ASGR2: variants seen among roughly 807,000 people sequenced by gnomAD.
The protein encoded by ASGR2 is C-type lectin domain family 4 member H2.
A neutral mutation model predicts 32.3 loss-of-function variants in ASGR2; 34 were observed. The ratio of observed to expected loss-of-function variants is 1.05; its 90% CI spans 0.80 to 1.40. ASGR2 has a LOEUF of 1.40. ASGR2 is among the 40% of genes most tolerant of loss of function. ASGR2 has a pLI of 0.00. For missense variants in ASGR2, 385 were observed against 386.4 expected (o/e 1.00, Z 0.03); for synonymous variants, 143 against 150.0 (o/e 0.95, Z 0.34).
intron 2 of ASGR2, among the ~76,000 whole-genome samples, chr17:7,112,058 C>T (rs561373736): frequency 0.035 from 31 of 884 alleles, no homozygotes; most frequent in South Asian, 0.14. Flanking sequence ...GGAGGGGAAG[C>T]GAGGGAAGGA....
In ASGR2 at chr17:7,107,103, C is replaced by G; in HGVS notation, c.545G>C (p.Ser182Thr). 6.2e-7 allele frequency: 1 copy of G among 1,614,180 alleles called. No homozygotes were observed. The highest frequency in any genetic ancestry group is 8.5e-7 in the Non-Finnish European group (1 of 1,180,038). Reference protein sequence around the residue: ...CPVNWVEHQGSCYWFSHSGKA... With the variant: ...CPVNWVEHQGTCYWFSHSGKA... ...CCCGGAGTGAGAGAACCAGTAGCAG[C>G]TGCCTTGGTGCTCCACCCAGTTGAC... The change falls in exon 7 of 9, where the codon AGC (serine) becomes ACC (threonine). Residue 182 changes from serine (S) to threonine (T), a missense_variant. Physicochemically the swap from Ser to Thr is moderately conservative, Grantham distance 58 (BLOSUM62 1). Coordinates refer to ENST00000691900, the MANE Select transcript of ASGR2 (RefSeq NM_001201352.2). The surrounding 1 kb of genome is among the most constrained non-coding windows in gnomAD (Gnocchi z 5.0).
rs1009920236 is a variant in ASGR2, at chr17:7,102,164, A to G, written c.681T>C (p.Asn227=). 16 of 1,614,044 alleles carry G rather than the reference A, an allele frequency of 9.9e-6. No homozygotes were observed. Among genetic ancestry groups the G allele is most frequent in the Non-Finnish European group, 1.4e-5 (16 of 1,180,024 alleles). The change falls in exon 8 of 9, where the codon AAT becomes AAC. Residue 227 remains asparagine, a synonymous_variant. Transcript: ENST00000691900. ...CACTGTCCGTGAGACCTATCCAGGT[A>G]TTGAAGGGGTTCGTGTGTTGTACAA... ...KFIVQHTNPF[N]TWIGLTDSDG...
chr17:7,108,458 T>A lies in ASGR2; in HGVS notation c.337+4A>T. ...AATGAGAACCCAGCCGTCCAGCCCCTCACCGTGGGTGCTGATTGCCTGGAC... is the reference window on the plus strand; with the variant it reads ...AATGAGAACCCAGCCGTCCAGCCCCACACCGTGGGTGCTGATTGCCTGGAC... On this transcript the variant is annotated splice_donor_region_variant and intron_variant, in intron 4 of 8. Transcript: ENST00000691900. This position sits in a 1 kb window ranked among gnomAD's most constrained non-coding sequence, Gnocchi z 4.9. 6.3e-7 allele frequency: 1 copy of A among 1,594,698 alleles called. No individual in the cohort carries two copies. Among genetic ancestry groups the A allele is most frequent in the Admixed American group, 1.8e-5 (1 of 56,718 alleles).
At position 7,113,394 on chromosome 17, in the gene ASGR2, AAC is replaced by A. The variant is rs972111855; in HGVS notation, c.124+721_124+722del. Among the ~76,000 whole-genome samples, 10 of 148,758 alleles carry A rather than the reference AAC, an allele frequency of 6.7e-5. No homozygotes were observed. Among genetic ancestry groups the A allele is most frequent in the East Asian group, 5.9e-4 (3 of 5,112 alleles). On this transcript the variant is annotated intron_variant, in intron 2 of 8. Coordinates refer to ENST00000691900, the MANE Select transcript of ASGR2 (RefSeq NM_001201352.2). This position sits in a 1 kb window ranked among gnomAD's most constrained non-coding sequence, Gnocchi z 5.1. ...TAACACACTCACAACATACACACAC[AAC>A]ACACACACTCGCACAACATACACAC...
rs1491141721 is a variant in ASGR2, at chr17:7,107,766, CGT to C, written c.409+68_409+69del. 0.016 allele frequency: 2,134 copies of C among 134,528 alleles called. 65 individuals carry two copies. In the South Asian group the frequency reaches 0.21, roughly 13 times the overall value. 8.3% of individuals were successfully genotyped at this position (134,528 alleles called of 1,614,324 possible). On this transcript the variant is annotated intron_variant, in intron 5 of 8. Transcript: ENST00000691900. This position sits in a 1 kb window ranked among gnomAD's most constrained non-coding sequence, Gnocchi z 5.0. ...ACGTGCACACTACACACACCGCACA[CGT>C]ACACACTACACACACCGCACACGTA...
intron 7 of ASGR2, 68 bp from the exon 8 acceptor site, chr17:7,102,264 G>T: frequency 7.4e-7 from 1 of 1,357,876 alleles, no homozygotes; most frequent in Non-Finnish European, 1.1e-6. Context: ...TGCAGGCATG[G>T]AACTGTGGCC....
intron 2 of ASGR2, among the ~76,000 whole-genome samples, chr17:7,111,936 G>A (rs952364294): frequency 6.8e-6 from 1 of 147,066 alleles, no homozygotes; most frequent in Non-Finnish European, 1.5e-5. Flanking sequence ...CCAGCTACCT[G>A]GGAGGCTGAA....
At position 7,108,393 on chromosome 17, in the gene ASGR2, T is replaced by C; in HGVS notation, c.337+69A>G. 6.7e-7 allele frequency: 1 copy of C among 1,483,302 alleles called. No homozygotes were observed. Among genetic ancestry groups the C allele is most frequent in the South Asian group, 1.3e-5 (1 of 77,810 alleles). 91.9% of individuals were successfully genotyped at this position (1,483,302 alleles called of 1,614,324 possible). On this transcript the variant is annotated intron_variant, in intron 4 of 8. Coordinates refer to ENST00000691900, the MANE Select transcript of ASGR2 (RefSeq NM_001201352.2). The surrounding 1 kb of genome is among the most constrained non-coding windows in gnomAD (Gnocchi z 4.9). Reference sequence around the variant, plus strand: ...CCCCACGGCACCCCACACAGCCCTGTTGCAGACTCGGCACTGAGCCCAGCA... The same window carrying C: ...CCCCACGGCACCCCACACAGCCCTGCTGCAGACTCGGCACTGAGCCCAGCA...
In ASGR2 at chr17:7,107,934, C is replaced by CCGCT; in HGVS notation, c.338-31_338-28dup. The CCGCT allele has an allele frequency of 6.2e-7, 1 of 1,613,410 alleles. No individual in the cohort carries two copies. The highest frequency in any genetic ancestry group is 1.1e-5 in the South Asian group (1 of 91,014). ...TGGAAGCGGAAAGCCAGCTGTTTCC[C>CCGCT]CGCTGAGCCTCCCTCCGTCCTCATG... On this transcript the variant is annotated intron_variant, in intron 4 of 8. Transcript: ENST00000691900. This position sits in a 1 kb window ranked among gnomAD's most constrained non-coding sequence, Gnocchi z 5.0.
At chr17:7,102,667 C>T (rs1913021447) in intron 7 of ASGR2, among the ~76,000 whole-genome samples, 1 of 152,192 alleles carries the variant, frequency 6.6e-6, no homozygotes, top group South Asian at 2.1e-4. Context: ...CTCTTACTGC[C>T]CCCCAGACCC....
At chr17:7,102,665 G>GC (rs1410181805) in intron 7 of ASGR2, among the ~76,000 whole-genome samples, 10 of 152,012 alleles carry the variant, frequency 6.6e-5, no homozygotes, top group African/African-American at 2.2e-4. Context: ...TGCTCTTACT[G>GC]CCCCCCAGAC....
At chr17:7,102,626 C>T (rs1913014921) in intron 7 of ASGR2, among the ~76,000 whole-genome samples, 1 of 152,266 alleles carries the variant, frequency 6.6e-6, no homozygotes, top group African/African-American at 2.4e-5. Context: ...CCCACAGCCT[C>T]GAACTCCTGG....
chr17:7,115,100 C>G, upstream of ASGR2: 4 of 792,454 alleles, frequency 5.0e-6, no homozygotes, highest in Non-Finnish European at 6.1e-6. This position sits in a 1 kb window ranked among gnomAD's most constrained non-coding sequence, Gnocchi z 4.2. Flanking sequence ...ATCACAGCGA[C>G]CAGTTCTCTA....
In ASGR2 at chr17:7,109,010, G is replaced by C. The variant is rs570064181; in HGVS notation, c.125-122C>G. 4.7e-5 allele frequency: 40 copies of C among 854,498 alleles called. 1 individual carries two copies. Among genetic ancestry groups the C allele is most frequent in the Middle Eastern group, 3.6e-4 (1 of 2,752 alleles). The allele number at this position is 854,498 out of a possible 1,614,324, so 52.9% of individuals were successfully genotyped here. A position where few individuals can be genotyped will look rare whatever the true frequency, so the allele number is the denominator to read the frequency against. On this transcript the variant is annotated intron_variant, in intron 2 of 8. Transcript: ENST00000691900. ...GGGGATTGGTTGGGGCCATGGGGGG[G>C]GGTCATCATAGGCTTTGACCCCAGC...
rs201742878 is a variant in ASGR2 at position 7,108,761 on chromosome 17, G to T, written c.241+11C>A. On this transcript the variant is annotated intron_variant, in intron 3 of 8. Transcript: ENST00000691900. This position sits in a 1 kb window ranked among gnomAD's most constrained non-coding sequence, Gnocchi z 4.9. Reference sequence around the variant, plus strand: ...CCCTTGCCCATCCCTGCTGGCCCCCGTGACCCTCACTTTGGGACCCAGTCA... The same window carrying T: ...CCCTTGCCCATCCCTGCTGGCCCCCTTGACCCTCACTTTGGGACCCAGTCA... 1.2e-5 allele frequency: 20 copies of T among 1,613,968 alleles called. No homozygotes were observed. The East Asian group carries it at 4.5e-4, about 36-fold the overall frequency.
At position 7,113,370 on chromosome 17, in the gene ASGR2, AAC is replaced by A. The variant is rs905704917; in HGVS notation, c.124+745_124+746del. On this transcript the variant is annotated intron_variant, in intron 2 of 8. Coordinates refer to ENST00000691900, the MANE Select transcript of ASGR2 (RefSeq NM_001201352.2). The surrounding 1 kb of genome is among the most constrained non-coding windows in gnomAD (Gnocchi z 5.1). Reference sequence around the variant, plus strand: ...ACACACTCACACACACAACATACATAACACACTCACAACATACACACACAACA... The same window carrying A: ...ACACACTCACACACACAACATACATAACACTCACAACATACACACACAACA... 4.7e-5 allele frequency among the ~76,000 whole-genome samples: 7 copies of A among 148,834 alleles called. No homozygotes were observed. In the Admixed American group the frequency reaches 4.7e-4, roughly 10 times the overall value.
Position 7,102,099 on chromosome 17 carries a change from T to C in ASGR2, c.746A>G (p.His249Arg). 1.2e-6 allele frequency: 2 copies of C among 1,613,764 alleles called. No homozygotes were observed. The highest frequency in any genetic ancestry group is 1.7e-6 in the Non-Finnish European group (2 of 1,179,642). The change falls in exon 8 of 9, where the codon CAC (histidine) becomes CGC (arginine). Residue 249 changes from histidine (H) to arginine (R), a missense_variant. Physicochemically the swap from His to Arg is conservative, Grantham distance 29. Transcript: ENST00000691900. The stretch of plus-strand genomic sequence containing the variant: ...GGAAGAGGCCACTTACTTGTAGTTG[T>C]GCCTATAGTCTGTGCCATCCACCCA... Reference protein sequence around the residue: ...WKWVDGTDYRHNYKNWAVTQP... With the variant: ...WKWVDGTDYRRNYKNWAVTQP...
At chr17:7,102,963 G>A (rs558750241) in intron 7 of ASGR2, among the ~76,000 whole-genome samples, 69 of 152,178 alleles carry the variant, frequency 4.5e-4, no homozygotes, top group African/African-American at 1.5e-3. Context: ...GGACCCACGC[G>A]CACCCACACT....
At chr17:7,103,036 G>A (rs1361536692) in intron 7 of ASGR2, among the ~76,000 whole-genome samples, 1 of 152,160 alleles carries the variant, frequency 6.6e-6, no homozygotes, top group Non-Finnish European at 1.5e-5. Context: ...TGGGGACCTA[G>A]GTCCCGTGGT....
Sources: gnomAD v4.1 joint callset for allele counts (sites outside exome capture counted in the v4.1 genomes callset) on GRCh38, gnomAD v4.1.1 for gene constraint, Gnocchi (gnomAD v3.1) non-coding constraint, MANE v1.5 for transcripts, NCBI Gene and HGNC (gene_info 2026-07-23, HGNC 2026-07-21) for gene names.